The following GBX2 variants were observed in gnomAD, a reference collection of about 807,000 sequenced individuals.
The protein encoded by GBX2 is gastrulation brain homeobox 2.
In GBX2, 5 loss-of-function variants were observed where a neutral mutation model predicts 22.4. That is an observed-to-expected ratio of 0.22 (90% CI 0.12 to 0.47). The LOEUF (loss-of-function observed/expected upper bound fraction) is 0.47, where lower values mean the gene tolerates loss of function less well. Ranked by LOEUF, GBX2 falls within the 20% of genes least tolerant of loss-of-function variation. The pLI, the probability that GBX2 is intolerant of heterozygous loss-of-function variation, is 0.99. For missense variants in GBX2, 470 were observed against 495.4 expected (o/e 0.95, Z 0.49); for synonymous variants, 220 against 230.5 (o/e 0.95, Z 0.41).
At position 236,166,970 on chromosome 2, in the gene GBX2, C is replaced by T. The variant is rs956041313; in HGVS notation, c.523+479G>A. ...GGATGTTTTGTGGCCTTATAAGTTC[C>T]CACCAGACACCCCCAACACAAACAC... On this transcript the variant is annotated intron_variant, in intron 1 of 1. Coordinates refer to ENST00000306318, the MANE Select transcript of GBX2 (RefSeq NM_001485.4). This position sits in a 1 kb window ranked among gnomAD's most constrained non-coding sequence, Gnocchi z 6.6. Among the ~76,000 whole-genome samples the T allele has an allele frequency of 4.6e-5, 7 of 152,192 alleles. No individual in the cohort carries two copies. Among genetic ancestry groups the T allele is most frequent in the Non-Finnish European group, 7.3e-5 (5 of 68,036 alleles).
Position 236,166,302 on chromosome 2 carries a change from T to A in GBX2, c.659A>T (p.Lys220Met). The part of the protein sequence containing the change: ...DDNLTGQAAH[K>M]EEDPGHALEE... ...CAGCGCGTGGCCCGGGTCTTCCTCC[T>A]TGTGAGCTGCCTGGCCAGTCAGATT... The change falls in exon 2 of 2, where the codon AAG (lysine) becomes ATG (methionine). Residue 220 changes from lysine (K) to methionine (M), a missense_variant. Lys to Met is a moderately conservative substitution (Grantham distance 95). This residue lies in a region of GBX2 where 377 missense variants were observed against 358.6 expected (regional missense o/e 1.05). Transcript: ENST00000306318. This position sits in a 1 kb window ranked among gnomAD's most constrained non-coding sequence, Gnocchi z 6.6. The A allele has an allele frequency of 6.2e-7, 1 of 1,613,928 alleles. No individual in the cohort carries two copies. Among genetic ancestry groups the A allele is most frequent in the Non-Finnish European group, 8.5e-7 (1 of 1,180,018 alleles).
At chr2:236,162,410 G>T (rs1230053033), downstream of GBX2, among the ~76,000 whole-genome samples, 1 of 152,262 alleles carries the variant, frequency 6.6e-6, no homozygotes, top group Non-Finnish European at 1.5e-5. Context: ...TGGGATTTGA[G>T]CAGCTTCCAG....
downstream of GBX2, among the ~76,000 whole-genome samples, chr2:236,163,534 G>T (rs916083536): frequency 6.6e-6 from 1 of 152,216 alleles, no homozygotes; most frequent in African/African-American, 2.4e-5. Context: ...GGCGGGTGGG[G>T]TTACACCTGT....
downstream of GBX2, among the ~76,000 whole-genome samples, chr2:236,162,129 A>C (rs953169251): frequency 6.6e-6 from 1 of 152,156 alleles, no homozygotes; most frequent in Non-Finnish European, 1.5e-5. Flanking sequence ...GAGGGTGCTG[A>C]CCCTGAGAGA....
chr2:236,167,685 T>C lies in GBX2; in HGVS notation c.287A>G (p.Gln96Arg), dbSNP rs779666496. The change falls in exon 1 of 2, where the codon CAG (glutamine) becomes CGG (arginine). Residue 96 changes from glutamine to arginine, a missense_variant. Gln to Arg is a conservative substitution (Grantham distance 43). This residue lies in a region of GBX2 where 377 missense variants were observed against 358.6 expected (regional missense o/e 1.05). Coordinates refer to ENST00000306318, the MANE Select transcript of GBX2 (RefSeq NM_001485.4). ...LPTGFCSSLA[Q>R]GMALTSTLMA... ...GAGCGTAGAGGTGAGCGCCATGCCC[T>C]GCGCCAGGCTGGAGCAGAAGCCTGT... is the stretch of plus-strand genomic sequence containing the variant. 7.6e-6 allele frequency: 12 copies of C among 1,579,970 alleles called. No homozygotes were observed. The South Asian group carries it at 1.1e-4, about 15-fold the overall frequency.
intron 1 of GBX2, chr2:236,167,023 TC>T: frequency 1.1e-6 from 1 of 935,474 alleles, no homozygotes; most frequent in Non-Finnish European, 1.7e-6. Flanking sequence ...GCAGTCCGTT[TC>T]TCCCAGACAA....
rs563673386 is a variant in GBX2, at chr2:236,165,718, G to A, written c.*196C>T. On this transcript the variant is annotated 3_prime_UTR_variant, in exon 2 of 2. Coordinates refer to ENST00000306318, the MANE Select transcript of GBX2 (RefSeq NM_001485.4). ...TAGGATAGTATAATAAATATTTAGCGTGTCTTCTGGTGTGGCTGTAAGCCC... is the reference window on the plus strand; with the variant it reads ...TAGGATAGTATAATAAATATTTAGCATGTCTTCTGGTGTGGCTGTAAGCCC... 1.7e-5 allele frequency: 10 copies of A among 580,990 alleles called. No homozygotes were observed. The highest frequency in any genetic ancestry group is 2.8e-5 in the East Asian group (1 of 35,906). The allele number at this position is 580,990 out of a possible 1,614,324, so 36.0% of individuals were successfully genotyped here. A position where few individuals can be genotyped will look rare whatever the true frequency, so the allele number is the denominator to read the frequency against.
chr2:236,161,402 C>T (rs79058749), downstream of GBX2, among the ~76,000 whole-genome samples: 120 of 152,346 alleles, frequency 7.9e-4, no homozygotes, highest in African/African-American at 2.8e-3. Context: ...TGCTTATGTG[C>T]GTTGGGGTTT....
chr2:236,164,925 T>C (rs2060229586), downstream of GBX2, among the ~76,000 whole-genome samples: 1 of 152,216 alleles, frequency 6.6e-6, no homozygotes, highest in African/African-American at 2.4e-5. Flanking sequence ...CGCACTCGCT[T>C]GCCTCCTCCG....
At chr2:236,163,973 A>G (rs949143327), downstream of GBX2, among the ~76,000 whole-genome samples, 3 of 152,100 alleles carry the variant, frequency 2.0e-5, no homozygotes, top group Non-Finnish European at 4.4e-5. Flanking sequence ...CCCTCGGAGG[A>G]CTGGCCCTTC....
At chr2:236,161,756 G>A (rs981939852), downstream of GBX2, among the ~76,000 whole-genome samples, 2 of 152,178 alleles carry the variant, frequency 1.3e-5, no homozygotes, top group African/African-American at 2.4e-5. Flanking sequence ...GGGAAGCCAC[G>A]GCTGGGCATA....
chr2:236,162,004 G>A (rs1255211913), downstream of GBX2, among the ~76,000 whole-genome samples: 1 of 152,262 alleles, frequency 6.6e-6, no homozygotes. Flanking sequence ...ATGGGACTCT[G>A]TTCCAGACAG....
At position 236,165,798 on chromosome 2, in the gene GBX2, G is replaced by T; in HGVS notation, c.*116C>A. 1.2e-6 allele frequency: 1 copy of T among 825,532 alleles called. No individual in the cohort carries two copies. The highest frequency in any genetic ancestry group is 1.9e-6 in the Non-Finnish European group (1 of 513,802). 51.1% of individuals were successfully genotyped at this position (825,532 alleles called of 1,614,324 possible). A position where few individuals can be genotyped will look rare whatever the true frequency, so the allele number is the denominator to read the frequency against. ...GTGAATATATTCTCAATTTGCTTGG[G>T]ATGGCCACAGCTGGGCTGTGACTTT... On this transcript the variant is annotated 3_prime_UTR_variant, in exon 2 of 2. Transcript: ENST00000306318.
chr2:236,167,598 C>T lies in GBX2; in HGVS notation c.374G>A (p.Arg125His). Residue 125 changes from arginine to histidine, a missense_variant, in exon 1 of 2, where the codon CGC (arginine) becomes CAC (histidine). Physicochemically the swap from Arg to His is conservative, Grantham distance 29 (BLOSUM62 0). This residue lies in a region of GBX2 where 377 missense variants were observed against 358.6 expected (regional missense o/e 1.05). Transcript: ENST00000306318. ...GGGCAGCGGCTGCGGCGCGAACTTG[C>T]GGGCCGCTGCCGCCTCCTGGTGCTG... ...SPQHQEAAAA[R>H]KFAPQPLPGG... The T allele has an allele frequency of 1.3e-6, 2 of 1,593,200 alleles. No homozygotes were observed. Among genetic ancestry groups the T allele is most frequent in the Non-Finnish European group, 8.5e-7 (1 of 1,173,698 alleles).
Position 236,165,794 on chromosome 2 carries a change from T to C in GBX2, c.*120A>G. On this transcript the variant is annotated 3_prime_UTR_variant, in exon 2 of 2. Transcript: ENST00000306318. ...TTTAGTGAATATATTCTCAATTTGC[T>C]TGGGATGGCCACAGCTGGGCTGTGA... The C allele has an allele frequency of 1.2e-6, 1 of 801,636 alleles. No individual in the cohort carries two copies. Among genetic ancestry groups the C allele is most frequent in the Non-Finnish European group, 2.0e-6 (1 of 493,770 alleles). 49.7% of individuals were successfully genotyped at this position (801,636 alleles called of 1,614,324 possible).
In GBX2 at chr2:236,168,108, G is replaced by A. The variant is rs1280143777; in HGVS notation, c.-137C>T. The A allele has an allele frequency of 4.3e-6, 4 of 925,604 alleles. No individual in the cohort carries two copies. The highest frequency in any genetic ancestry group is 5.8e-6 in the Non-Finnish European group (4 of 691,382). 57.3% of individuals were successfully genotyped at this position (925,604 alleles called of 1,614,324 possible). A position where few individuals can be genotyped will look rare whatever the true frequency, so the allele number is the denominator to read the frequency against. On this transcript the variant is annotated 5_prime_UTR_variant, in exon 1 of 2. Coordinates refer to ENST00000306318, the MANE Select transcript of GBX2 (RefSeq NM_001485.4). ...CGGGACCCGGAGAGCAGACGCCTCC[G>A]CCCCTCAGTCCTGGGCCCGCTGCAT...
Position 236,165,870 on chromosome 2 carries a change from G to A in GBX2, c.*44C>T, listed in dbSNP as rs200772923. 6.6e-7 allele frequency: 1 copy of A among 1,505,916 alleles called. No individual in the cohort carries two copies. The allele number at this position is 1,505,916 out of a possible 1,614,324, so 93.3% of individuals were successfully genotyped here. A position where few individuals can be genotyped will look rare whatever the true frequency, so the allele number is the denominator to read the frequency against. ...TCCACCATGGGTTCCCTCGGGTGCG[G>A]GGGCTTCTCCAGGTGGGTGCCAGGC... is the stretch of plus-strand genomic sequence containing the variant. On this transcript the variant is annotated 3_prime_UTR_variant, in exon 2 of 2. Transcript: ENST00000306318.
downstream of GBX2, among the ~76,000 whole-genome samples, chr2:236,164,316 C>A (rs922797595): frequency 4.6e-5 from 7 of 152,198 alleles, no homozygotes; most frequent in African/African-American, 1.7e-4. Context: ...GAAGCCCCGG[C>A]TTCTCTCGCG....
chr2:236,167,863 C>T lies in GBX2; in HGVS notation c.109G>A (p.Gly37Ser), dbSNP rs2060251326. 6 of 1,536,282 alleles carry T rather than the reference C, an allele frequency of 3.9e-6. No homozygotes were observed. The highest frequency in any genetic ancestry group is 2.4e-5 in the South Asian group (2 of 82,400). Residue 37 changes from glycine (G) to serine (S), a missense_variant, in exon 1 of 2, where the codon GGC becomes AGC. Physicochemically the swap from Gly to Ser is moderately conservative, Grantham distance 56. This residue lies in a region of GBX2 where 377 missense variants were observed against 358.6 expected (regional missense o/e 1.05). Coordinates refer to ENST00000306318, the MANE Select transcript of GBX2 (RefSeq NM_001485.4). ...LIGSPPQPSPGHFVYTGYPMF... is the reference protein window; with the variant it reads ...LIGSPPQPSPSHFVYTGYPMF... Reference sequence around the variant, plus strand: ...GGGTAGCCGGTGTAGACGAAATGGCCGGGGCTGGGCTGCGGCGGGCTGCCG... The same window carrying T: ...GGGTAGCCGGTGTAGACGAAATGGCTGGGGCTGGGCTGCGGCGGGCTGCCG...
Sources: gnomAD v4.1 joint callset for allele counts (sites outside exome capture counted in the v4.1 genomes callset) on GRCh38, gnomAD v4.1.1 for gene constraint, gnomAD v4.1.1 regional missense constraint, Gnocchi (gnomAD v3.1) non-coding constraint, MANE v1.5 for transcripts, NCBI Gene and HGNC (gene_info 2026-07-23, HGNC 2026-07-21) for gene names.